The following DGKG variants were observed in gnomAD, a reference collection of about 807,000 sequenced individuals.
DGKG encodes DAG kinase gamma.
DGKG carries 78 observed loss-of-function variants against 105.3 expected under a neutral mutation model. That is an observed-to-expected ratio of 0.74 (90% CI 0.62 to 0.89). The LOEUF (loss-of-function observed/expected upper bound fraction) is 0.89, where lower values mean the gene tolerates loss of function less well. Ranked by LOEUF, DGKG falls within the 40% of genes least tolerant of loss-of-function variation. The pLI is 0.00. For missense variants in DGKG, 958 were observed against 1,020.1 expected (o/e 0.94, Z 0.83); for synonymous variants, 346 against 367.1 (o/e 0.94, Z 0.66).
chr3:186,222,807 A>T (rs1478442830), intron 20 of DGKG, among the ~76,000 whole-genome samples: 7 of 151,192 alleles, frequency 4.6e-5, no homozygotes, highest in African/African-American at 1.7e-4. Flanking sequence ...GTGACACCCC[A>T]TCTCTACTAA....
chr3:186,314,753 CAAA>C (rs1161706511), intron 2 of DGKG, among the ~76,000 whole-genome samples: 8 of 62,608 alleles, frequency 1.3e-4, no homozygotes, highest in African/African-American at 3.4e-4. Flanking sequence ...GACTCCGTCT[CAAA>C]AAAAAAAAAA....
chr3:186,215,361 A>G lies in DGKG; in HGVS notation c.1827-3476T>C, dbSNP rs192334561. On this transcript the variant is annotated intron_variant, in intron 20 of 24. Transcript: ENST00000265022. ...GGGAGGCGGAGGATGCAGTGAGCTG[A>G]GAATGCACCACTGCACTCCAGCCTG... Among the ~76,000 whole-genome samples the G allele has an allele frequency of 1.5e-4, 23 of 149,712 alleles. No homozygotes were observed. The East Asian group carries it at 4.6e-3, about 30-fold the overall frequency.
intron 14 of DGKG, 48 bp from the exon 15 acceptor site, chr3:186,261,826 G>T: frequency 8.0e-7 from 1 of 1,256,090 alleles, no homozygotes; most frequent in Non-Finnish European, 1.1e-6. Context: ...ATCCAATAGG[G>T]GGCGTGAGAT....
At chr3:186,170,667 C>A (rs1230794885) in intron 22 of DGKG, among the ~76,000 whole-genome samples, 4 of 152,134 alleles carry the variant, frequency 2.6e-5, no homozygotes. Flanking sequence ...AAATGGCAGA[C>A]CTGAATGTGA....
intron 12 of DGKG, 114 bp from the exon 13 acceptor site, chr3:186,267,891 T>C: frequency 1.1e-6 from 1 of 893,902 alleles, no homozygotes; most frequent in East Asian, 2.5e-5. Context: ...CAAATCCTGA[T>C]GCACTGCTGG....
chr3:186,153,975 C>T (rs943174802), intron 24 of DGKG, among the ~76,000 whole-genome samples: 5 of 152,060 alleles, frequency 3.3e-5, no homozygotes, highest in African/African-American at 4.8e-5. Flanking sequence ...CGTGGAGGCG[C>T]GCCCTTAGCT....
intron 14 of DGKG, among the ~76,000 whole-genome samples, chr3:186,262,983 C>T (rs1275984965): frequency 2.0e-5 from 3 of 151,804 alleles, no homozygotes; most frequent in African/African-American, 2.4e-5. Flanking sequence ...AAAAATTAGC[C>T]GGGCGTGGTG....
In DGKG at chr3:186,267,799, AGAGT is replaced by A. The variant is rs758035712; in HGVS notation, c.1117-26_1117-23del. The A allele has an allele frequency of 1.9e-6, 3 of 1,607,632 alleles. No homozygotes were observed. The Admixed American group carries it at 5.0e-5, about 27-fold the overall frequency. On this transcript the variant is annotated intron_variant, in intron 12 of 24. Transcript: ENST00000265022. ...GAAACTGGGGGGAGAAATGAAAAAG[AGAGT>A]GAGTGAAAGTGAGCAAAGAAACATC...
Position 186,210,074 on chromosome 3 carries a change from G to A in DGKG, c.1917+1721C>T, listed in dbSNP as rs942751454. On this transcript the variant is annotated intron_variant, in intron 21 of 24. Transcript: ENST00000265022. This position sits in a 1 kb window ranked among gnomAD's most constrained non-coding sequence, Gnocchi z 5.2. The stretch of plus-strand genomic sequence containing the variant: ...AGGCCCCCTCTGCGGTTGAGGAAGA[G>A]CCTCTGTCTCTCAAACCCAGAGGGG... 6.6e-6 allele frequency among the ~76,000 whole-genome samples: 1 copy of A among 152,196 alleles called. No individual in the cohort carries two copies. The highest frequency in any genetic ancestry group is 1.5e-5 in the Non-Finnish European group (1 of 68,034).
intron 7 of DGKG, chr3:186,281,084 A>C: frequency 4.9e-6 from 1 of 202,252 alleles, no homozygotes; most frequent in South Asian, 9.9e-5. Context: ...GCTTCCACAA[A>C]TACTTACAAA....
At chr3:186,162,679 A>G (rs1036866580) in intron 23 of DGKG, among the ~76,000 whole-genome samples, 1 of 151,264 alleles carries the variant, frequency 6.6e-6, no homozygotes, top group Non-Finnish European at 1.5e-5. Context: ...AACTGGGACT[A>G]TAGGTGCCTG....
chr3:186,234,513 T>G (rs1720318968), intron 20 of DGKG, among the ~76,000 whole-genome samples: 1 of 152,236 alleles, frequency 6.6e-6, no homozygotes, highest in Admixed American at 6.5e-5. Flanking sequence ...ACTGATAACT[T>G]TGGGATTATC....
chr3:186,272,811 C>T (rs1036047136), intron 10 of DGKG, among the ~76,000 whole-genome samples: 5 of 151,106 alleles, frequency 3.3e-5, no homozygotes, highest in African/African-American at 9.7e-5. Context: ...CTCCGCCTCC[C>T]GGGTTCAAGC....
intron 21 of DGKG, among the ~76,000 whole-genome samples, chr3:186,191,296 T>A (rs1441046034): frequency 1.3e-5 from 2 of 152,278 alleles, no homozygotes; most frequent in African/African-American, 4.8e-5. Context: ...TTGTTAATAA[T>A]CTATTCTAGA....
chr3:186,262,121 G>A (rs1448772245), intron 14 of DGKG, among the ~76,000 whole-genome samples: 2 of 152,102 alleles, frequency 1.3e-5, no homozygotes, highest in Non-Finnish European at 2.9e-5. Flanking sequence ...TAGAAAGCAC[G>A]GCCGTCTGAT....
chr3:186,272,223 T>C, intron 11 of DGKG, 32 bp downstream of exon 11: 1 of 1,517,174 alleles, frequency 6.6e-7, no homozygotes, highest in Non-Finnish European at 9.2e-7. Context: ...GGATGAGGCA[T>C]GCAGTAGAAC....
At chr3:186,183,707 C>CT (rs1215514780) in intron 22 of DGKG, among the ~76,000 whole-genome samples, 43 of 145,926 alleles carry the variant, frequency 2.9e-4, no homozygotes, top group Non-Finnish European at 4.1e-4. Flanking sequence ...TTCTTTCTTT[C>CT]TTTTTTTTTT....
chr3:186,262,343 G>A (rs766634255), intron 14 of DGKG, among the ~76,000 whole-genome samples: 3 of 152,008 alleles, frequency 2.0e-5, no homozygotes, highest in Non-Finnish European at 4.4e-5. Context: ...TATGAAACTC[G>A]GCCTTTCTCT....
At chr3:186,317,164 T>G (rs776211931) in intron 2 of DGKG, among the ~76,000 whole-genome samples, 46 of 152,332 alleles carry the variant, frequency 3.0e-4, no homozygotes, top group Middle Eastern at 6.8e-3. Flanking sequence ...CATTTGGAGC[T>G]CCTCCTTGCC....
Sources: gnomAD v4.1 joint callset for allele counts (sites outside exome capture counted in the v4.1 genomes callset) on GRCh38, gnomAD v4.1.1 for gene constraint, Gnocchi (gnomAD v3.1) non-coding constraint, MANE v1.5 for transcripts, NCBI Gene and HGNC (gene_info 2026-07-23, HGNC 2026-07-21) for gene names.